Variants in PRKN observed in about 807,000 individuals in gnomAD.
PRKN encodes parkin RBR E3 ubiquitin protein ligase.
PRKN carries 56 observed loss-of-function variants against 59.5 expected under a neutral mutation model. The ratio of observed to expected loss-of-function variants is 0.94; its 90% CI spans 0.76 to 1.18. PRKN has a LOEUF of 1.18. Ranked by LOEUF, PRKN falls within the 50% of genes most tolerant of loss-of-function variation. The pLI is 0.00. For missense variants in PRKN, 657 were observed against 596.4 expected, an observed-to-expected ratio of 1.10 and a Z score of -1.06; for synonymous variants, 250 against 222.1, an observed-to-expected ratio of 1.13 and a Z score of -1.12.
At chr6:162,328,412 C>A (rs1583387677) in intron 2 of PRKN, among the ~76,000 whole-genome samples, 1 of 152,106 alleles carries the variant, frequency 6.6e-6, no homozygotes, top group African/African-American at 2.4e-5. Context: ...ACGTGAGAAG[C>A]CCTGCTTGTT....
chr6:162,594,998 C>T (rs1020372681), intron 1 of PRKN, among the ~76,000 whole-genome samples: 1 of 152,074 alleles, frequency 6.6e-6, no homozygotes, highest in East Asian at 2.0e-4. Flanking sequence ...CACGGTGAAA[C>T]CCCATCTCTA....
rs1270209740 is a variant in PRKN at position 161,371,457 on chromosome 6, G to A, written c.1168-11252C>T. Among the ~76,000 whole-genome samples, 2 of 142,990 alleles carry A rather than the reference G, an allele frequency of 1.4e-5. No individual in the cohort carries two copies. Among genetic ancestry groups the A allele is most frequent in the Non-Finnish European group, 3.1e-5 (2 of 64,888 alleles). The allele number at this position is 142,990 out of a possible 152,430, so 93.8% of individuals were successfully genotyped here. ...TTGGATTACAGGTGTGAGCCACTGC[G>A]CCCGGCCTATTTTGTTATTTTTTTT... On this transcript the variant is annotated intron_variant, in intron 10 of 11. Coordinates refer to ENST00000366898, the MANE Select transcript of PRKN (RefSeq NM_004562.3). The surrounding 1 kb of genome is among the most constrained non-coding windows in gnomAD (Gnocchi z 5.5).
intron 7 of PRKN, among the ~76,000 whole-genome samples, chr6:161,606,877 C>T (rs1030209286): frequency 2.0e-5 from 3 of 152,196 alleles, no homozygotes; most frequent in African/African-American, 4.8e-5. Flanking sequence ...TCCCTGCTTC[C>T]CCAGGCTGAA....
At chr6:162,295,040 A>C (rs966019713) in intron 2 of PRKN, among the ~76,000 whole-genome samples, 1 of 152,204 alleles carries the variant, frequency 6.6e-6, no homozygotes, top group Non-Finnish European at 1.5e-5. Context: ...ACAGCCCTAC[A>C]TAAGTTCAGC....
At chr6:162,302,513 G>A (rs574480477) in intron 2 of PRKN, among the ~76,000 whole-genome samples, 7 of 152,186 alleles carry the variant, frequency 4.6e-5, no homozygotes, top group East Asian at 1.9e-4. Flanking sequence ...ACTGTGGCAC[G>A]GAATGCAGGC....
chr6:162,496,368 G>A (rs1793065363), intron 1 of PRKN, among the ~76,000 whole-genome samples: 1 of 152,108 alleles, frequency 6.6e-6, no homozygotes, highest in African/African-American at 2.4e-5. Flanking sequence ...TTACATAATA[G>A]GAGCAGGTAT....
intron 4 of PRKN, among the ~76,000 whole-genome samples, chr6:162,076,990 G>A (rs1003439706): frequency 2.0e-5 from 3 of 151,942 alleles, no homozygotes; most frequent in Non-Finnish European, 4.4e-5. Flanking sequence ...CATCCACAAC[G>A]CCGTCCACAC....
chr6:161,684,459 T>C (rs1358260085), intron 7 of PRKN, among the ~76,000 whole-genome samples: 3 of 152,088 alleles, frequency 2.0e-5, no homozygotes, highest in African/African-American at 7.2e-5. Context: ...TCAGCCTTTC[T>C]CCCCAATTGA....
chr6:161,531,197 T>C (rs2143740), intron 9 of PRKN, among the ~76,000 whole-genome samples: 13,557 of 151,542 alleles, frequency 0.089, 939 homozygotes, highest in African/African-American at 0.19. Context: ...CTGGCTAACA[T>C]GGTGAAACCC....
intron 9 of PRKN, among the ~76,000 whole-genome samples, chr6:161,412,481 CTCAT>C (rs1238903828): frequency 1.3e-5 from 2 of 150,070 alleles, no homozygotes; most frequent in East Asian, 2.0e-4. Context: ...CCTCCACTCA[CTCAT>C]TCCTTCCTCA....
intron 4 of PRKN, among the ~76,000 whole-genome samples, chr6:162,190,683 C>A (rs1488505377): frequency 6.6e-6 from 1 of 152,212 alleles, no homozygotes; most frequent in Non-Finnish European, 1.5e-5. Context: ...TGGCTTGCCT[C>A]ATTCTGAAGC....
At chr6:162,600,348 G>A (rs1239565917) in intron 1 of PRKN, among the ~76,000 whole-genome samples, 1 of 152,112 alleles carries the variant, frequency 6.6e-6, no homozygotes, top group East Asian at 1.9e-4. Flanking sequence ...ATTTGATTGT[G>A]CCACAAATTG....
At position 162,292,225 on chromosome 6, in the gene PRKN, A is replaced by T. The variant is rs141963731; in HGVS notation, c.172-29460T>A. On this transcript the variant is annotated intron_variant, in intron 2 of 11. Transcript: ENST00000366898. ...GTGATCTGCCCACCTCGGCCTCCCA[A>T]AGTGCTGGGATTACAGGTGTGAGCC... Among the ~76,000 whole-genome samples, 649 of 152,112 alleles carry T rather than the reference A, an allele frequency of 4.3e-3. 2 individuals are homozygous for T. Among genetic ancestry groups the T allele is most frequent in the African/African-American group, 0.015 (629 of 41,508 alleles).
Position 162,719,894 on chromosome 6 carries a change from CA to C in PRKN, c.7+7767del, listed in dbSNP as rs56395129. 4.9e-3 allele frequency among the ~76,000 whole-genome samples: 709 copies of C among 143,680 alleles called. 1 individual carries two copies. The highest frequency in any genetic ancestry group is 7.0e-3 in the South Asian group (30 of 4,286). 94.3% of individuals were successfully genotyped at this position (143,680 alleles called of 152,430 possible). A position where few individuals can be genotyped will look rare whatever the true frequency, so the allele number is the denominator to read the frequency against. On this transcript the variant is annotated intron_variant, in intron 1 of 11. Coordinates refer to ENST00000366898, the MANE Select transcript of PRKN (RefSeq NM_004562.3). ...GAAAAGAGGGAGTGCAGGTAGATGT[CA>C]AAAAAAAAAAAAAAAAAAAAAAAAC...
chr6:162,707,359 G>T (rs1367725410), intron 1 of PRKN, among the ~76,000 whole-genome samples: 2 of 152,034 alleles, frequency 1.3e-5, no homozygotes, highest in East Asian at 3.9e-4. Flanking sequence ...AATAACTGAT[G>T]ATTCCAAGAG....
intron 1 of PRKN, among the ~76,000 whole-genome samples, chr6:162,477,060 T>C (rs973762450): frequency 2.6e-5 from 4 of 152,190 alleles, no homozygotes; most frequent in Admixed American, 2.0e-4. Flanking sequence ...TCCAGTATTG[T>C]GCTCAATGAA....
chr6:162,617,795 C>A (rs1782494728), intron 1 of PRKN, among the ~76,000 whole-genome samples: 1 of 151,760 alleles, frequency 6.6e-6, no homozygotes, highest in Non-Finnish European at 1.5e-5. Flanking sequence ...AAATATAAAA[C>A]CATAGTAATA....
chr6:161,728,703 G>C (rs1382643081), intron 7 of PRKN, among the ~76,000 whole-genome samples: 2 of 152,130 alleles, frequency 1.3e-5, no homozygotes, highest in Non-Finnish European at 2.9e-5. Context: ...ATGCCCTCAG[G>C]AGCGAGGGGT....
rs1292144956 is a variant in PRKN at position 161,916,169 on chromosome 6, AG to A, written c.734+57132del. On this transcript the variant is annotated intron_variant, in intron 6 of 11. Transcript: ENST00000366898. ...TATAAAGGACAAGAAATTGTTAAGA[AG>A]AAAAGTAATTTCCACTTTGGTATTT... Among the ~76,000 whole-genome samples the A allele has an allele frequency of 3.9e-5, 6 of 152,358 alleles. No individual in the cohort carries two copies. The East Asian group carries it at 1.2e-3, about 29-fold the overall frequency.
Sources: gnomAD v4.1 joint callset for allele counts (sites outside exome capture counted in the v4.1 genomes callset) on GRCh38, gnomAD v4.1.1 for gene constraint, Gnocchi (gnomAD v3.1) non-coding constraint, MANE v1.5 for transcripts, NCBI Gene and HGNC (gene_info 2026-07-23, HGNC 2026-07-21) for gene names.